GRM8: variants seen among roughly 807,000 people sequenced by gnomAD.
The protein encoded by GRM8 is glutamate metabotropic receptor 8.
GRM8 carries 47 observed loss-of-function variants against 87.2 expected under a neutral mutation model. That is an observed-to-expected ratio of 0.54 (90% CI 0.43 to 0.69). The LOEUF (loss-of-function observed/expected upper bound fraction) is 0.69, where lower values mean the gene tolerates loss of function less well. Ranked by LOEUF, GRM8 falls within the 30% of genes least tolerant of loss-of-function variation. GRM8 has a pLI of 0.00. For missense variants in GRM8, 1,019 were observed against 1,139.2 expected (o/e 0.89, Z 1.52); for synonymous variants, 396 against 404.5 (o/e 0.98, Z 0.25).
At chr7:126,660,967 T>C (rs767831442) in intron 7 of GRM8, among the ~76,000 whole-genome samples, 2 of 152,040 alleles carry the variant, frequency 1.3e-5, no homozygotes, top group Non-Finnish European at 2.9e-5. Flanking sequence ...ACTGAACTCA[T>C]TGAGATAGAG....
At chr7:127,102,987 C>T (rs1465621888) in intron 3 of GRM8, among the ~76,000 whole-genome samples, 1 of 152,170 alleles carries the variant, frequency 6.6e-6, no homozygotes, top group East Asian at 1.9e-4. Flanking sequence ...CTCAGCCTCC[C>T]AAGTAGCTGG....
intron 7 of GRM8, among the ~76,000 whole-genome samples, chr7:126,611,537 GAGA>G (rs1798912401): frequency 6.6e-6 from 1 of 152,164 alleles, no homozygotes; most frequent in Non-Finnish European, 1.5e-5. Context: ...CACGTATGTT[GAGA>G]ATTTCACATT....
chr7:126,865,413 A>G (rs1336781499), intron 6 of GRM8, among the ~76,000 whole-genome samples: 1 of 152,244 alleles, frequency 6.6e-6, no homozygotes, highest in Non-Finnish European at 1.5e-5. Flanking sequence ...TAACAGCTTT[A>G]TAGAGATATA....
At chr7:126,847,228 T>A (rs773310624) in intron 6 of GRM8, among the ~76,000 whole-genome samples, 2 of 152,200 alleles carry the variant, frequency 1.3e-5, no homozygotes, top group Non-Finnish European at 2.9e-5. Context: ...AATTTGTTCT[T>A]ATAGAACAAC....
chr7:126,721,987 G>A (rs1455809105), intron 7 of GRM8, among the ~76,000 whole-genome samples: 3 of 152,050 alleles, frequency 2.0e-5, no homozygotes, highest in African/African-American at 7.2e-5. Flanking sequence ...GAACACTTAA[G>A]CAGAGGGACA....
intron 2 of GRM8, among the ~76,000 whole-genome samples, chr7:127,144,010 G>A (rs1025305825): frequency 3.9e-5 from 6 of 151,958 alleles, no homozygotes; most frequent in Non-Finnish European, 5.9e-5. Context: ...AGAATATTTC[G>A]CCTCAACTCC....
At chr7:126,614,114 G>A (rs1799200403) in intron 7 of GRM8, among the ~76,000 whole-genome samples, 1 of 152,196 alleles carries the variant, frequency 6.6e-6, no homozygotes, top group African/African-American at 2.4e-5. Flanking sequence ...TAGCCTAACT[G>A]GGAGGCACCT....
intron 3 of GRM8, among the ~76,000 whole-genome samples, chr7:127,005,548 T>C (rs1223611626): frequency 6.6e-6 from 1 of 151,858 alleles, no homozygotes; most frequent in Admixed American, 6.6e-5. Context: ...CACAAAGTTG[T>C]AGATCTGAGT....
At chr7:127,166,283 T>C (rs1433584420) in intron 2 of GRM8, among the ~76,000 whole-genome samples, 1 of 152,186 alleles carries the variant, frequency 6.6e-6, no homozygotes, top group Non-Finnish European at 1.5e-5. Flanking sequence ...GGTGATTTTT[T>C]TTCCTTCTTC....
chr7:126,688,739 GACACACACACACACACAC>G (rs3831573), intron 7 of GRM8, among the ~76,000 whole-genome samples: 8 of 145,720 alleles, frequency 5.5e-5, no homozygotes, highest in African/African-American at 2.0e-4. Context: ...CTCTCTTTCT[GACACACACACACACACAC>G]ACACACACAC....
chr7:127,157,323 G>T (rs1205296348), intron 2 of GRM8, among the ~76,000 whole-genome samples: 1 of 152,056 alleles, frequency 6.6e-6, no homozygotes, highest in Non-Finnish European at 1.5e-5. Flanking sequence ...GTATAGAAAA[G>T]AATCAAGGAC....
chr7:126,564,158 C>A (rs578103219), intron 8 of GRM8, among the ~76,000 whole-genome samples: 1 of 152,182 alleles, frequency 6.6e-6, no homozygotes, highest in Admixed American at 6.5e-5. Context: ...TTTCTAGCAG[C>A]CACTGGGCAA....
At chr7:126,660,491 TA>T in intron 7 of GRM8, among the ~76,000 whole-genome samples, 1 of 152,340 alleles carries the variant, frequency 6.6e-6, no homozygotes, top group South Asian at 2.1e-4. Flanking sequence ...GTGCCAACAC[TA>T]TATTTTGAAT....
Position 126,455,542 on chromosome 7 carries a change from G to A in GRM8, c.2431-9170C>T, listed in dbSNP as rs373614841. 5.9e-4 allele frequency among the ~76,000 whole-genome samples: 90 copies of A among 151,778 alleles called. 1 individual carries two copies. The highest frequency in any genetic ancestry group is 2.0e-3 in the African/African-American group (85 of 41,474). Reference sequence around the variant, plus strand: ...TCAGCTACTTTCTTCATAAATAAAAGCCTCATGTGGATCCTAGAACAGCTC... The same window carrying A: ...TCAGCTACTTTCTTCATAAATAAAAACCTCATGTGGATCCTAGAACAGCTC... On this transcript the variant is annotated intron_variant, in intron 9 of 10. Transcript: ENST00000339582.
At chr7:127,063,226 C>T (rs1399883581) in intron 3 of GRM8, among the ~76,000 whole-genome samples, 1 of 150,736 alleles carries the variant, frequency 6.6e-6, no homozygotes, top group Non-Finnish European at 1.5e-5. Context: ...GCACTCCAGC[C>T]CGGATGACAG....
intron 3 of GRM8, among the ~76,000 whole-genome samples, chr7:126,952,229 AAAT>A (rs1808237735): frequency 6.6e-6 from 1 of 152,026 alleles, no homozygotes; most frequent in South Asian, 2.1e-4. Flanking sequence ...TAAACAAGTT[AAAT>A]AATAATATTA....
At chr7:126,878,082 C>T (rs1159223911) in intron 6 of GRM8, among the ~76,000 whole-genome samples, 1 of 152,172 alleles carries the variant, frequency 6.6e-6, no homozygotes, top group African/African-American at 2.4e-5. Flanking sequence ...AAAGCCCATG[C>T]CCTTACCCAG....
At chr7:127,085,128 C>A (rs1389757577) in intron 3 of GRM8, among the ~76,000 whole-genome samples, 1 of 152,226 alleles carries the variant, frequency 6.6e-6, no homozygotes, top group Non-Finnish European at 1.5e-5. Flanking sequence ...CACGTCCCTG[C>A]AAAGGACATG....
At chr7:126,977,375 G>A (rs11973014) in intron 3 of GRM8, among the ~76,000 whole-genome samples, 8,486 of 152,216 alleles carry the variant, frequency 0.056, 792 homozygotes, top group African/African-American at 0.19. Flanking sequence ...TGAATATTCA[G>A]TTTGTTTCTG....
Sources: gnomAD v4.1 joint callset for allele counts (sites outside exome capture counted in the v4.1 genomes callset) on GRCh38, gnomAD v4.1.1 for gene constraint, MANE v1.5 for transcripts, NCBI Gene and HGNC (gene_info 2026-07-23, HGNC 2026-07-21) for gene names.